The following SCN11A variants were observed in gnomAD, a reference collection of about 807,000 sequenced individuals.
The protein encoded by SCN11A is sodium channel protein type 11 subunit alpha.
In SCN11A, 122 loss-of-function variants were observed where a neutral mutation model predicts 162.2. That is an observed-to-expected ratio of 0.75 (90% confidence interval 0.65 to 0.87). The LOEUF (loss-of-function observed/expected upper bound fraction) is 0.87. Ranked by LOEUF, SCN11A falls within the 40% of genes least tolerant of loss-of-function variation. The pLI, the probability that SCN11A is intolerant of heterozygous loss-of-function variation, is 0.00. For synonymous variants in SCN11A, 758 were observed against 751.5 expected (o/e 1.01, Z -0.14); for missense variants, 2,015 against 2,181.6 (o/e 0.92, Z 1.52).
intron 27 of SCN11A, among the ~76,000 whole-genome samples, chr3:38,866,221 C>G (rs879764830): frequency 2.9e-5 from 3 of 104,906 alleles, no homozygotes; most frequent in Non-Finnish European, 6.2e-5. Context: ...TTTTTTTTTT[C>G]TCTTTTTCCT....
At chr3:38,947,974 C>T (rs534534654) in intron 5 of SCN11A, among the ~76,000 whole-genome samples, 1 of 152,360 alleles carries the variant, frequency 6.6e-6, no homozygotes, top group East Asian at 1.9e-4. Flanking sequence ...CCAACGTTAG[C>T]ACTGTGAGTG....
In SCN11A at chr3:38,863,237, T is replaced by C. The variant is rs554136131; in HGVS notation, c.4014A>G (p.Lys1338=). Residue 1338 remains lysine, a synonymous_variant, in exon 28 of 30, where the codon AAA becomes AAG. Coordinates refer to ENST00000302328, the MANE Select transcript of SCN11A (RefSeq NM_001349253.2). Reference sequence around the variant, plus strand: ...GTTTTTGAGGTTTTTTGGATCCTAATTTTTTCATTGCATTATAGTATTTCT... The same window carrying C: ...GTTTTTGAGGTTTTTTGGATCCTAACTTTTTCATTGCATTATAGTATTTCT... ...EQKKYYNAMK[K]LGSKKPQKPI... is the part of the protein sequence containing the mutation. The C allele has an allele frequency of 1.1e-5, 17 of 1,608,886 alleles. No individual in the cohort carries two copies. The highest frequency in any genetic ancestry group is 1.4e-5 in the Non-Finnish European group (16 of 1,175,492).
chr3:38,884,466 A>G (rs1276312653), intron 21 of SCN11A, among the ~76,000 whole-genome samples: 7 of 152,330 alleles, frequency 4.6e-5, no homozygotes, highest in African/African-American at 1.4e-4. Context: ...ACTTATAGAT[A>G]ATTTTTTTAG....
chr3:38,897,584 C>T (rs1160004941), intron 17 of SCN11A, among the ~76,000 whole-genome samples: 1 of 151,976 alleles, frequency 6.6e-6, no homozygotes, highest in Non-Finnish European at 1.5e-5. Flanking sequence ...GGCATGGTGG[C>T]GCATGCCTGT....
chr3:38,954,264 T>C (rs1310913674), intron 3 of SCN11A, among the ~76,000 whole-genome samples: 2 of 152,222 alleles, frequency 1.3e-5, no homozygotes, highest in East Asian at 3.9e-4. Flanking sequence ...GAAGTGGGCA[T>C]ATAATGAGAC....
intron 24 of SCN11A, 134 bp from the exon 25 acceptor site, chr3:38,871,842 C>T: frequency 1.4e-6 from 1 of 729,200 alleles, no homozygotes; most frequent in South Asian, 1.9e-5. Context: ...ATACATGTGC[C>T]CCATCCCCAT....
chr3:39,008,052 G>C (rs146078477), intron 2 of SCN11A, among the ~76,000 whole-genome samples: 1 of 152,050 alleles, frequency 6.6e-6, no homozygotes, highest in Non-Finnish European at 1.5e-5. Context: ...AGAATTGCTC[G>C]GTGTGGGAAA....
intron 28 of SCN11A, among the ~76,000 whole-genome samples, chr3:38,853,739 G>A (rs552744312): frequency 3.9e-5 from 6 of 152,276 alleles, no homozygotes; most frequent in South Asian, 2.1e-4. Context: ...GCATGCTTCC[G>A]ATTGCAAGCC....
chr3:38,990,804 T>C (rs1310142372), intron 2 of SCN11A, among the ~76,000 whole-genome samples: 1 of 152,044 alleles, frequency 6.6e-6, no homozygotes, highest in African/African-American at 2.4e-5. Flanking sequence ...GAGCTAGCAA[T>C]TGGTAGAGGC....
intron 11 of SCN11A, among the ~76,000 whole-genome samples, chr3:38,915,642 T>A (rs2065949483): frequency 6.6e-6 from 1 of 152,194 alleles, no homozygotes; most frequent in Admixed American, 6.5e-5. Flanking sequence ...TTCTTCTATT[T>A]TTATTGTGCT....
chr3:38,853,693 C>T (rs539131499), intron 28 of SCN11A, among the ~76,000 whole-genome samples: 2 of 152,240 alleles, frequency 1.3e-5, no homozygotes, highest in African/African-American at 2.4e-5. Context: ...TCATCATTTG[C>T]GATCTCATGT....
chr3:38,961,014 G>C (rs1268475149), intron 2 of SCN11A, among the ~76,000 whole-genome samples: 1 of 152,138 alleles, frequency 6.6e-6, no homozygotes, highest in East Asian at 1.9e-4. Context: ...TTTATTCCTG[G>C]GGAAAATTTA....
intron 28 of SCN11A, among the ~76,000 whole-genome samples, chr3:38,854,512 A>G (rs2064834558): frequency 6.6e-6 from 1 of 152,186 alleles, no homozygotes; most frequent in Non-Finnish European, 1.5e-5. Flanking sequence ...TCGCACTTGG[A>G]TGGACAGAAC....
chr3:38,912,264 C>G (rs1475970770), intron 11 of SCN11A, among the ~76,000 whole-genome samples: 1 of 152,100 alleles, frequency 6.6e-6, no homozygotes, highest in Non-Finnish European at 1.5e-5. Context: ...TGGGTGCACC[C>G]TCTCATCAAC....
intron 1 of SCN11A, among the ~76,000 whole-genome samples, chr3:39,050,261 C>A (rs2032296696): frequency 6.6e-6 from 1 of 152,152 alleles, no homozygotes; most frequent in African/African-American, 2.4e-5. Context: ...ACTGTTCCCT[C>A]TCCTTGCCTA....
rs189414180 is a variant in SCN11A at position 39,007,626 on chromosome 3, C to T, written c.-280+24754G>A. Among the ~76,000 whole-genome samples the T allele has an allele frequency of 6.6e-5, 10 of 152,290 alleles. No homozygotes were observed. The East Asian group carries it at 1.9e-3, about 29-fold the overall frequency. ...CCCTAAATAACACTTAAAAAAGTTTCCAGGTTGGGGAATACATCATTGTGC... is the reference window on the plus strand; with the variant it reads ...CCCTAAATAACACTTAAAAAAGTTTTCAGGTTGGGGAATACATCATTGTGC... On this transcript the variant is annotated intron_variant, in intron 2 of 29. Transcript: ENST00000302328.
intron 12 of SCN11A, among the ~76,000 whole-genome samples, chr3:38,909,450 C>T (rs2065854316): frequency 6.6e-6 from 1 of 152,098 alleles, no homozygotes; most frequent in Admixed American, 6.5e-5. Context: ...TCAAGAGTAT[C>T]TGCATTTTTA....
At position 38,863,216 on chromosome 3, in the gene SCN11A, T is replaced by G. The variant is rs1364721922; in HGVS notation, c.4035A>C (p.Gln1345His). Reference sequence around the variant, plus strand: ...TCACCAGAGGCCGTGGAATGGGTTTTTGAGGTTTTTTGGATCCTAATTTTT... The same window carrying G: ...TCACCAGAGGCCGTGGAATGGGTTTGTGAGGTTTTTTGGATCCTAATTTTT... ...AMKKLGSKKP[Q>H]KPIPRPLNKC... is the part of the protein sequence containing the mutation. Residue 1345 changes from glutamine (Q) to histidine (H), a missense_variant, in exon 28 of 30, where the codon CAA becomes CAC. Transcript: ENST00000302328. The G allele has an allele frequency of 1.9e-6, 3 of 1,594,634 alleles. No homozygotes were observed. The highest frequency in any genetic ancestry group is 2.6e-6 in the Non-Finnish European group (3 of 1,162,508).
At chr3:39,032,178 T>A (rs2031776990) in intron 2 of SCN11A, among the ~76,000 whole-genome samples, 3 of 152,200 alleles carry the variant, frequency 2.0e-5, no homozygotes. Context: ...AAAAAATTAG[T>A]TTATTTAGCA....
Sources: allele counts gnomAD v4.1 joint callset (sites outside exome capture counted in the v4.1 genomes callset), GRCh38; gene constraint gnomAD v4.1.1; transcripts MANE v1.5; gene names NCBI Gene and HGNC (gene_info 2026-07-23, HGNC 2026-07-21).